The following KHDRBS3 variants were observed in gnomAD, a reference collection of about 807,000 sequenced individuals.
KHDRBS3 encodes the protein KH RNA binding domain containing, signal transduction associated 3.
KHDRBS3 carries 23 observed loss-of-function variants against 45.6 expected under a neutral mutation model. That is an observed-to-expected ratio of 0.50 (90% confidence interval 0.36 to 0.72). The LOEUF is 0.72. KHDRBS3 is among the 30% of genes least tolerant of loss of function. The pLI, the probability that KHDRBS3 is intolerant of heterozygous loss-of-function variation, is 0.00. For missense variants in KHDRBS3, 352 were observed against 424.8 expected (o/e 0.83, Z 1.51); for synonymous variants, 162 against 156.5 (o/e 1.04, Z -0.26).
intron 6 of KHDRBS3, among the ~76,000 whole-genome samples, chr8:135,583,022 A>T (rs1367070462): frequency 1.3e-5 from 2 of 152,168 alleles, no homozygotes; most frequent in African/African-American, 4.8e-5. Flanking sequence ...ACCTTTGCTT[A>T]TACTGCCTCC....
At chr8:135,573,114 G>GCC (rs1208007792) in intron 5 of KHDRBS3, among the ~76,000 whole-genome samples, 1 of 152,010 alleles carries the variant, frequency 6.6e-6, no homozygotes, top group African/African-American at 2.4e-5. Flanking sequence ...GATCTTGCAG[G>GCC]CCCCACTCTG....
chr8:135,575,603 A>G (rs1188321323), intron 5 of KHDRBS3, among the ~76,000 whole-genome samples: 4 of 152,208 alleles, frequency 2.6e-5, no homozygotes, highest in Non-Finnish European at 4.4e-5. Context: ...ATTGGCCAGA[A>G]TTGGATCACA....
intron 6 of KHDRBS3, among the ~76,000 whole-genome samples, chr8:135,604,870 TCTC>T (rs1829385982): frequency 6.6e-6 from 1 of 151,954 alleles, no homozygotes; most frequent in South Asian, 2.1e-4. Flanking sequence ...TGTCTTAACT[TCTC>T]CTTCATTTTT....
intron 6 of KHDRBS3, among the ~76,000 whole-genome samples, chr8:135,591,176 T>A (rs1828726581): frequency 6.6e-6 from 1 of 152,228 alleles, no homozygotes; most frequent in East Asian, 1.9e-4. Context: ...AGCTAGAATT[T>A]AAAGCCCAGC....
chr8:135,512,252 T>C (rs1824325133), intron 1 of KHDRBS3, among the ~76,000 whole-genome samples: 1 of 152,182 alleles, frequency 6.6e-6, no homozygotes, highest in Non-Finnish European at 1.5e-5. Flanking sequence ...TGGCTGTAAA[T>C]ACTCTTTATA....
intron 7 of KHDRBS3, among the ~76,000 whole-genome samples, chr8:135,619,798 C>T (rs957346834): frequency 2.0e-5 from 3 of 152,150 alleles, no homozygotes; most frequent in African/African-American, 7.2e-5. Context: ...CAGTGGAGCC[C>T]TGCATGTGCT....
intron 7 of KHDRBS3, among the ~76,000 whole-genome samples, chr8:135,631,250 C>CG (rs1212523246): frequency 0.012 from 503 of 42,470 alleles, 5 homozygotes; most frequent in African/African-American, 0.031. Flanking sequence ...GACTCCGTCT[C>CG]GGAAAAAAAA....
intron 1 of KHDRBS3, among the ~76,000 whole-genome samples, chr8:135,470,346 C>T (rs1821952025): frequency 6.6e-6 from 1 of 152,066 alleles, no homozygotes. Flanking sequence ...TAAAGTGTCT[C>T]TTTCTCTCTT....
intron 7 of KHDRBS3, among the ~76,000 whole-genome samples, chr8:135,642,677 G>A (rs192311456): frequency 1.6e-4 from 24 of 152,174 alleles, no homozygotes; most frequent in Admixed American, 1.2e-3. Flanking sequence ...CATAACCTCC[G>A]TGTTACACCG....
At chr8:135,572,447 A>C (rs1179519654) in intron 5 of KHDRBS3, among the ~76,000 whole-genome samples, 2 of 152,334 alleles carry the variant, frequency 1.3e-5, no homozygotes, top group East Asian at 3.9e-4. Context: ...ATGTAGGATA[A>C]GGAAGCAGTT....
chr8:135,536,998 G>GA (rs148125847), intron 2 of KHDRBS3, among the ~76,000 whole-genome samples: 1 of 26,860 alleles, frequency 3.7e-5, no homozygotes, highest in African/African-American at 1.2e-4. Context: ...AAAAAAAAAA[G>GA]GAGATGTTTA....
chr8:135,517,169 C>A (rs181084110), intron 1 of KHDRBS3, among the ~76,000 whole-genome samples: 120 of 152,278 alleles, frequency 7.9e-4, no homozygotes, highest in African/African-American at 2.5e-3. Flanking sequence ...GCATTTTAAT[C>A]CCCTACATTA....
At chr8:135,464,491 G>T (rs1821597171) in intron 1 of KHDRBS3, among the ~76,000 whole-genome samples, 1 of 152,162 alleles carries the variant, frequency 6.6e-6, no homozygotes, top group Admixed American at 6.5e-5. Flanking sequence ...CACAAAAACA[G>T]TCGAGAGTAT....
intron 5 of KHDRBS3, among the ~76,000 whole-genome samples, chr8:135,561,086 TAC>T (rs1827145264): frequency 6.6e-6 from 1 of 152,212 alleles, no homozygotes; most frequent in African/African-American, 2.4e-5. Flanking sequence ...CAGTTTAGTC[TAC>T]TGATTATTTT....
rs924064189 is a variant in KHDRBS3, at chr8:135,633,369, G to A, written c.891-11690G>A. ...CCCTCACCTCCCACTGGGTGATGCA[G>A]AGATAATTAACAACAAGGCTTCACT... On this transcript the variant is annotated intron_variant, in intron 7 of 8. Transcript: ENST00000355849. Among the ~76,000 whole-genome samples, 3 of 152,200 alleles carry A rather than the reference G, an allele frequency of 2.0e-5. No individual in the cohort carries two copies. The South Asian group carries it at 6.2e-4, about 32-fold the overall frequency.
intron 6 of KHDRBS3, among the ~76,000 whole-genome samples, chr8:135,604,619 T>C (rs934087733): frequency 6.6e-6 from 1 of 151,930 alleles, no homozygotes; most frequent in African/African-American, 2.4e-5. Flanking sequence ...AACACAAAAA[T>C]GCTTTTTAAT....
chr8:135,621,406 A>G (rs973015699), intron 7 of KHDRBS3, among the ~76,000 whole-genome samples: 1 of 152,250 alleles, frequency 6.6e-6, no homozygotes, highest in African/African-American at 2.4e-5. Context: ...TCTTCCATAC[A>G]TTCATTCTGC....
At chr8:135,520,158 C>T (rs1824834782) in intron 1 of KHDRBS3, among the ~76,000 whole-genome samples, 2 of 152,184 alleles carry the variant, frequency 1.3e-5, no homozygotes, top group Admixed American at 1.3e-4. Context: ...AGGGATGGCA[C>T]ATATTAAATT....
intron 1 of KHDRBS3, among the ~76,000 whole-genome samples, chr8:135,520,017 T>C (rs1824827802): frequency 6.6e-6 from 1 of 152,238 alleles, no homozygotes; most frequent in Non-Finnish European, 1.5e-5. Flanking sequence ...AGGCACCTTG[T>C]CTTTGGAGCC....
Sources: allele counts gnomAD v4.1 joint callset (sites outside exome capture counted in the v4.1 genomes callset), GRCh38; gene constraint gnomAD v4.1.1; transcripts MANE v1.5; gene names NCBI Gene and HGNC (gene_info 2026-07-23, HGNC 2026-07-21).